EMCN: variants seen among roughly 807,000 people sequenced by gnomAD.
EMCN encodes the protein MUC-14.
Under a neutral mutation model 38.4 loss-of-function variants are expected in EMCN, and 37 were observed. The ratio of observed to expected loss-of-function variants is 0.96; its 90% CI spans 0.74 to 1.27. EMCN has a LOEUF of 1.27. Ranked by LOEUF, EMCN falls within the 50% of genes most tolerant of loss-of-function variation. EMCN has a pLI of 0.00. For synonymous variants in EMCN, 95 were observed against 100.8 expected, an observed-to-expected ratio of 0.94 and a Z score of 0.35; for missense variants, 318 against 302.8, an observed-to-expected ratio of 1.05 and a Z score of -0.37.
intron 5 of EMCN, among the ~76,000 whole-genome samples, chr4:100,435,145 G>T (rs1410076429): frequency 6.6e-6 from 1 of 152,092 alleles, no homozygotes; most frequent in Non-Finnish European, 1.5e-5. Flanking sequence ...CAGTGCAAAA[G>T]CTTCTTAAGC....
chr4:100,490,249 C>A (rs190898422), intron 1 of EMCN, among the ~76,000 whole-genome samples: 156 of 150,480 alleles, frequency 1.0e-3, no homozygotes, highest in African/African-American at 3.7e-3. Context: ...TATTTTTGTA[C>A]AGCTGTGCAA....
chr4:100,418,927 T>C (rs574893117), intron 8 of EMCN, among the ~76,000 whole-genome samples: 2 of 152,106 alleles, frequency 1.3e-5, no homozygotes, highest in African/African-American at 2.4e-5. Flanking sequence ...TGCTGGATCA[T>C]ATAGTAGCTG....
chr4:100,433,434 A>G (rs1025015182), intron 5 of EMCN, among the ~76,000 whole-genome samples: 7 of 152,100 alleles, frequency 4.6e-5, no homozygotes, highest in African/African-American at 1.7e-4. Context: ...TGTGGTGGTA[A>G]TTTCATATCC....
At chr4:100,410,251 T>C in intron 11 of EMCN, 31 bp downstream of exon 11, 1 of 1,389,332 alleles carries the variant, frequency 7.2e-7, no homozygotes, top group Non-Finnish European at 1.0e-6. Flanking sequence ...ATATTAATGA[T>C]TGTCTCCGTG....
At position 100,397,165 on chromosome 4, in the gene EMCN, G is replaced by A. The variant is rs1476600609; in HGVS notation, c.*1248C>T. ...TACAAGATTCCATCTTCACTAAACTGCCCCTTAGATCACTAAGATAATTTA... is the reference window on the plus strand; with the variant it reads ...TACAAGATTCCATCTTCACTAAACTACCCCTTAGATCACTAAGATAATTTA... On this transcript the variant is annotated 3_prime_UTR_variant, in exon 12 of 12. Transcript: ENST00000296420. 1 of 151,958 alleles carries A rather than the reference G, an allele frequency of 6.6e-6. No individual in the cohort carries two copies. The highest frequency in any genetic ancestry group is 2.4e-5 in the African/African-American group (1 of 41,374). The allele number at this position is 151,958 out of a possible 1,614,324, so 9.4% of individuals were successfully genotyped here. A position where few individuals can be genotyped will look rare whatever the true frequency, so the allele number is the denominator to read the frequency against.
chr4:100,490,910 A>C (rs1729060754), intron 1 of EMCN, among the ~76,000 whole-genome samples: 1 of 152,146 alleles, frequency 6.6e-6, no homozygotes, highest in South Asian at 2.1e-4. Flanking sequence ...TTTTCCCTAA[A>C]GATTAACGAC....
chr4:100,447,925 G>C (rs1473817778), intron 4 of EMCN, among the ~76,000 whole-genome samples: 2 of 151,824 alleles, frequency 1.3e-5, no homozygotes, highest in Non-Finnish European at 2.9e-5. Flanking sequence ...AAAAAGTCAG[G>C]GTATTCAATT....
At chr4:100,417,521 G>T (rs1726768656) in intron 8 of EMCN, among the ~76,000 whole-genome samples, 1 of 152,150 alleles carries the variant, frequency 6.6e-6, no homozygotes, top group African/African-American at 2.4e-5. Context: ...TTATGCCAGA[G>T]AATTGAAGTT....
At chr4:100,511,126 T>C (rs2110310864) in intron 1 of EMCN, among the ~76,000 whole-genome samples, 1 of 152,314 alleles carries the variant, frequency 6.6e-6, no homozygotes, top group Admixed American at 6.5e-5. Context: ...TCCTTATTCT[T>C]TTTCAGAAAA....
intron 5 of EMCN, among the ~76,000 whole-genome samples, chr4:100,435,201 A>C (rs1012632552): frequency 6.6e-6 from 1 of 152,214 alleles, no homozygotes; most frequent in Admixed American, 6.5e-5. Flanking sequence ...ATCAATGTGC[A>C]AAAATCACTA....
In EMCN at chr4:100,397,876, G is replaced by A. The variant is rs1418958805; in HGVS notation, c.*537C>T. 2 of 151,826 alleles carry A rather than the reference G, an allele frequency of 1.3e-5. No homozygotes were observed. The highest frequency in any genetic ancestry group is 2.9e-5 in the Non-Finnish European group (2 of 67,964). The allele number at this position is 151,826 out of a possible 1,614,324, so 9.4% of individuals were successfully genotyped here. On this transcript the variant is annotated 3_prime_UTR_variant, in exon 12 of 12. Coordinates refer to ENST00000296420, the MANE Select transcript of EMCN (RefSeq NM_016242.4). ...TTTATTAAAAGTAACACGAAAGCAG[G>A]AATAAAATACTTATATGTACAAAGT...
intron 5 of EMCN, chr4:100,446,159 T>C (rs1380477106): frequency 3.0e-6 from 3 of 985,256 alleles, no homozygotes; most frequent in African/African-American, 3.5e-5. Context: ...AAAAAATCTC[T>C]TCCCAGAACT....
At chr4:100,451,908 T>C (rs1046688623) in intron 4 of EMCN, among the ~76,000 whole-genome samples, 10 of 152,072 alleles carry the variant, frequency 6.6e-5, no homozygotes, top group African/African-American at 2.4e-4. Context: ...CCTGTGAAAG[T>C]ATAATCCTAT....
chr4:100,409,844 A>G (rs1726500906), intron 11 of EMCN, among the ~76,000 whole-genome samples: 1 of 152,208 alleles, frequency 6.6e-6, no homozygotes, highest in Non-Finnish European at 1.5e-5. Context: ...GCTGTGATAC[A>G]CATCTTTACT....
intron 5 of EMCN, among the ~76,000 whole-genome samples, chr4:100,432,875 AC>A (rs1727241891): frequency 6.6e-6 from 1 of 152,178 alleles, no homozygotes; most frequent in Admixed American, 6.6e-5. Context: ...TTTAAGGTAT[AC>A]AACATGATAT....
chr4:100,486,285 T>A (rs1466164465), intron 1 of EMCN, among the ~76,000 whole-genome samples: 1 of 152,004 alleles, frequency 6.6e-6, no homozygotes, highest in Non-Finnish European at 1.5e-5. Context: ...AAGTTTATAT[T>A]CAAATAGAAG....
At chr4:100,481,736 TAGAC>T (rs1358780574) in intron 1 of EMCN, among the ~76,000 whole-genome samples, 2 of 152,096 alleles carry the variant, frequency 1.3e-5, no homozygotes, top group African/African-American at 4.8e-5. Context: ...AAATACCACT[TAGAC>T]AGGAAAATTC....
At chr4:100,484,910 A>G (rs1197947545) in intron 1 of EMCN, among the ~76,000 whole-genome samples, 1 of 152,178 alleles carries the variant, frequency 6.6e-6, no homozygotes. Context: ...TACATGATAT[A>G]CAAAAATCTG....
chr4:100,508,466 A>C (rs1393939699), intron 1 of EMCN, among the ~76,000 whole-genome samples: 1 of 152,146 alleles, frequency 6.6e-6, no homozygotes, highest in Non-Finnish European at 1.5e-5. Context: ...AACAAAGAAC[A>C]AGGTGGTTTA....
Sources: allele counts gnomAD v4.1 joint callset (sites outside exome capture counted in the v4.1 genomes callset), GRCh38; gene constraint gnomAD v4.1.1; transcripts MANE v1.5; gene names NCBI Gene and HGNC (gene_info 2026-07-23, HGNC 2026-07-21).